The following RAP2C variants were observed in gnomAD, a reference collection of about 807,000 sequenced individuals.
The protein encoded by RAP2C is RAP2C, member of RAS oncogene family.
Under a neutral mutation model 8.9 loss-of-function variants are expected in RAP2C, and 3 were observed. That is an observed-to-expected ratio of 0.34 (90% confidence interval 0.15 to 0.87). The LOEUF is 0.87. RAP2C is among the 40% of genes least tolerant of loss of function. The pLI is 0.51. For missense variants in RAP2C, 76 were observed against 133.7 expected (o/e 0.57, Z 2.13); for synonymous variants, 60 against 52.1 (o/e 1.15, Z -0.65).
intron 2 of RAP2C, 25 bp downstream of exon 2, chrX:132,218,207 T>C (rs1414974854): frequency 9.8e-6 from 1 of 101,916 alleles, no homozygotes; most frequent in Admixed American, 1.0e-4. Flanking sequence ...CTGGACGGGA[T>C]CACTTCCGGT....
chrX:132,213,100 T>C (rs1198504081), intron 5 of RAP2C, among the ~76,000 whole-genome samples: 1 of 111,782 alleles, frequency 8.9e-6, no homozygotes, highest in African/African-American at 3.3e-5. Flanking sequence ...GAAATGCCTG[T>C]TGCCATTTGC....
chrX:132,218,914 T>C (rs1930766622), intron 1 of RAP2C: 1 of 112,783 alleles, frequency 8.9e-6, no homozygotes, highest in South Asian at 3.6e-4. Context: ...GTTGATTATG[T>C]ATAACAATTT....
At chrX:132,210,053 G>T (rs1013092454) in intron 5 of RAP2C, among the ~76,000 whole-genome samples, 3 of 111,539 alleles carry the variant, frequency 2.7e-5, no homozygotes, top group Non-Finnish European at 5.7e-5. Context: ...CTCACCATGT[G>T]AACTGGATGA....
At chrX:132,206,780 TA>T (rs1930288206) in intron 5 of RAP2C, among the ~76,000 whole-genome samples, 1 of 112,374 alleles carries the variant, frequency 8.9e-6, no homozygotes, top group Admixed American at 9.5e-5. Context: ...GAAATTCTGC[TA>T]CCTAAACACA....
chrX:132,216,646 C>T (rs1400991240), intron 4 of RAP2C, among the ~76,000 whole-genome samples: 1 of 111,400 alleles, frequency 9.0e-6, no homozygotes, highest in African/African-American at 3.3e-5. Context: ...TCTATTTACC[C>T]GAGATTATTT....
chrX:132,217,376 G>A lies in RAP2C; in HGVS notation c.-108C>T. 1 of 733,761 alleles carries A rather than the reference G, an allele frequency of 1.4e-6. No individual in the cohort carries two copies. Among genetic ancestry groups the A allele is most frequent in the Non-Finnish European group, 1.9e-6 (1 of 536,176 alleles). The allele number at this position is 733,761 out of a possible 1,213,427, so 60.5% of individuals were successfully genotyped here. ...GGGCGGAAATCTGCGAACTGGGGAG[G>A]AGAGTGCAGAGGAGCAGAGGGCCCA... On this transcript the variant is annotated 5_prime_UTR_variant, in exon 4 of 6. Coordinates refer to ENST00000370874, the MANE Select transcript of RAP2C (RefSeq NM_001271186.2).
chrX:132,210,091 T>C (rs887762460), intron 5 of RAP2C, among the ~76,000 whole-genome samples: 5 of 111,317 alleles, frequency 4.5e-5, no homozygotes, highest in African/African-American at 1.6e-4. Context: ...TAAGCCATTT[T>C]CCCCATTCAA....
At chrX:132,211,709 TTAATAAATTTTCCCTCTCAG>T (rs1930434792) in intron 5 of RAP2C, among the ~76,000 whole-genome samples, 1 of 112,056 alleles carries the variant, frequency 8.9e-6, no homozygotes. Context: ...TCTTAGAGCA[TTAATAAATTTTCCCTCTCAG>T]TTAAAAACAA....
Position 132,217,442 on chromosome X carries a change from G to A in RAP2C, c.-174C>T, listed in dbSNP as rs1295812432. On this transcript the variant is annotated 5_prime_UTR_variant, in exon 4 of 6. Coordinates refer to ENST00000370874, the MANE Select transcript of RAP2C (RefSeq NM_001271186.2). ...GAAGTTACAGGAGGGGGAGGGGAAA[G>A]AGCGTAGAGTCGGGGAGGGTGGGGA... The A allele has an allele frequency of 6.6e-6, 2 of 302,297 alleles. No individual in the cohort carries two copies. Among genetic ancestry groups the A allele is most frequent in the Non-Finnish European group, 1.1e-5 (2 of 175,470 alleles). The allele number at this position is 302,297 out of a possible 1,213,427, so 24.9% of individuals were successfully genotyped here. A position where few individuals can be genotyped will look rare whatever the true frequency, so the allele number is the denominator to read the frequency against.
At chrX:132,216,456 G>A (rs751777935) in intron 4 of RAP2C, among the ~76,000 whole-genome samples, 1 of 102,920 alleles carries the variant, frequency 9.7e-6, no homozygotes, top group African/African-American at 3.6e-5. Context: ...TAGAAGGCAG[G>A]TCTTGAGTTC....
rs750783379 is a variant in RAP2C at position 132,209,545 on chromosome X, T to C, written c.*35-3958A>G. Among the ~76,000 whole-genome samples the C allele has an allele frequency of 3.6e-5, 4 of 112,361 alleles. No individual in the cohort carries two copies. In the East Asian group the frequency reaches 1.1e-3, roughly 31 times the overall value. ...ACTTAAGTTTTTCTTACTGATATTA[T>C]CTTCTGAATTGTAGAATTCTACTGA... On this transcript the variant is annotated intron_variant, in intron 5 of 5. Transcript: ENST00000370874.
intron 5 of RAP2C, among the ~76,000 whole-genome samples, chrX:132,210,811 A>G (rs1289255004): frequency 8.9e-6 from 1 of 111,932 alleles, no homozygotes; most frequent in Non-Finnish European, 1.9e-5. Flanking sequence ...TGCCAAAAGG[A>G]TATATCAAAC....
At chrX:132,211,525 G>A (rs1038723325) in intron 5 of RAP2C, among the ~76,000 whole-genome samples, 3 of 111,366 alleles carry the variant, frequency 2.7e-5, no homozygotes, top group Non-Finnish European at 3.8e-5. Context: ...TGATGGCAGC[G>A]TATAAGGAAT....
chrX:132,204,197 A>G lies in RAP2C; in HGVS notation c.*1425T>C, dbSNP rs1272771616. On this transcript the variant is annotated 3_prime_UTR_variant, in exon 6 of 6. Coordinates refer to ENST00000370874, the MANE Select transcript of RAP2C (RefSeq NM_001271186.2). ...ATCGAGAACTTTGGTGCAGTAGGTG[A>G]GCTGCAGTTACTAACTTCTGCAAAT... 8.9e-6 allele frequency: 1 copy of G among 112,467 alleles called. No homozygotes were observed. Among genetic ancestry groups the G allele is most frequent in the Non-Finnish European group, 1.9e-5 (1 of 53,186 alleles). 9.3% of individuals were successfully genotyped at this position (112,467 alleles called of 1,213,427 possible).
Position 132,204,758 on chromosome X carries a change from T to C in RAP2C, c.*864A>G, listed in dbSNP as rs1028432363. 16 of 111,260 alleles carry C rather than the reference T, an allele frequency of 1.4e-4. No individual in the cohort carries two copies. Among genetic ancestry groups the C allele is most frequent in the African/African-American group, 4.9e-4 (15 of 30,615 alleles). 9.2% of individuals were successfully genotyped at this position (111,260 alleles called of 1,213,427 possible). ...GAGCTATCTCTGTTTAGGTATACAA[T>C]TAATTTACCATGGATACAATATCCC... On this transcript the variant is annotated 3_prime_UTR_variant, in exon 6 of 6. Coordinates refer to ENST00000370874, the MANE Select transcript of RAP2C (RefSeq NM_001271186.2).
Position 132,204,063 on chromosome X carries a change from C to T in RAP2C, c.*1559G>A, listed in dbSNP as rs1930201121. On this transcript the variant is annotated 3_prime_UTR_variant, in exon 6 of 6. Coordinates refer to ENST00000370874, the MANE Select transcript of RAP2C (RefSeq NM_001271186.2). ...TAAACCATCACTGCATATATTAGAG[C>T]TTTCCTTGACAAAGTTATTGAGCTC... 8.9e-6 allele frequency: 1 copy of T among 112,265 alleles called. No individual in the cohort carries two copies. Among genetic ancestry groups the T allele is most frequent in the African/African-American group, 3.2e-5 (1 of 30,819 alleles). 9.3% of individuals were successfully genotyped at this position (112,265 alleles called of 1,213,427 possible).
chrX:132,206,100 T>C (rs1261313248), intron 5 of RAP2C, among the ~76,000 whole-genome samples: 1 of 110,797 alleles, frequency 9.0e-6, no homozygotes, highest in Non-Finnish European at 1.9e-5. Flanking sequence ...GCACAGTGGT[T>C]CATGTCTGTA....
chrX:132,218,309 G>C lies in RAP2C; in HGVS notation c.-713C>G, dbSNP rs1482827818. ...GCCGGCCGGGGACGGTTTCGGGTCG[G>C]GACTCCGGCTTCGGGAACGGGCCTC... On this transcript the variant is annotated 5_prime_UTR_variant, in exon 2 of 6. Coordinates refer to ENST00000370874, the MANE Select transcript of RAP2C (RefSeq NM_001271186.2). The C allele has an allele frequency of 9.2e-6, 1 of 108,841 alleles. No individual in the cohort carries two copies. Among genetic ancestry groups the C allele is most frequent in the African/African-American group, 3.4e-5 (1 of 29,838 alleles). The allele number at this position is 108,841 out of a possible 1,213,427, so 9.0% of individuals were successfully genotyped here.
At chrX:132,219,042 A>C (rs1321146617) in intron 1 of RAP2C, among the ~76,000 whole-genome samples, 1 of 112,353 alleles carries the variant, frequency 8.9e-6, no homozygotes, top group East Asian at 2.8e-4. Flanking sequence ...TTTTAGATAA[A>C]ATTGTTACTT....
Sources: allele counts gnomAD v4.1 joint callset (sites outside exome capture counted in the v4.1 genomes callset), GRCh38; gene constraint gnomAD v4.1.1; transcripts MANE v1.5; gene names NCBI Gene and HGNC (gene_info 2026-07-23, HGNC 2026-07-21).